Variants in HYCC1 observed in about 807,000 individuals in gnomAD.
HYCC1 encodes hyccin PI4KA lipid kinase complex subunit 1.
At chr7:22,919,081 C>A in the HYCC1 span, among the ~76,000 whole-genome samples, 40,151 of 152,016 alleles carry the variant, frequency 0.26, 5,410 homozygotes, top group East Asian at 0.48. Flanking sequence ...ATAAAAAATT[C>A]TGAGACATGC....
At chr7:23,004,446 C>T in the HYCC1 span, among the ~76,000 whole-genome samples, 2 of 152,194 alleles carry the variant, frequency 1.3e-5, no homozygotes, top group African/African-American at 4.8e-5. Flanking sequence ...AGAGCATCTG[C>T]TTTAATTACC....
chr7:22,984,030 A>C, the HYCC1 span: 3 of 1,593,978 alleles, frequency 1.9e-6, no homozygotes, highest in Non-Finnish European at 2.6e-6. Flanking sequence ...TTTGGTAAAG[A>C]TGTTTCTGGT....
At chr7:22,976,366 AGGGGAGAGAGCACTCCTT>A in the HYCC1 span, 2 of 1,166,282 alleles carry the variant, frequency 1.7e-6, no homozygotes, top group Non-Finnish European at 1.3e-6. Flanking sequence ...CAACTATAAT[AGGGGAGAGAGCACTCCTT>A]GGGGAGAGAT....
chr7:22,913,393 C>T, the HYCC1 span, among the ~76,000 whole-genome samples: 1 of 152,222 alleles, frequency 6.6e-6, no homozygotes, highest in African/African-American at 2.4e-5. Flanking sequence ...GCCAAAATCA[C>T]TGTCATCCGA....
the HYCC1 span, among the ~76,000 whole-genome samples, chr7:22,987,370 A>G: frequency 6.6e-6 from 1 of 152,216 alleles, no homozygotes; most frequent in African/African-American, 2.4e-5. Flanking sequence ...TAACACGGCA[A>G]GACCCCAGCT....
chr7:22,968,146 G>A, the HYCC1 span, among the ~76,000 whole-genome samples: 2 of 152,052 alleles, frequency 1.3e-5, no homozygotes, highest in Non-Finnish European at 2.9e-5. Context: ...AATGCCAGCC[G>A]CTCCACTACA....
the HYCC1 span, among the ~76,000 whole-genome samples, chr7:23,004,101 T>A: frequency 2.6e-4 from 40 of 152,302 alleles, no homozygotes; most frequent in Middle Eastern, 6.8e-3. Flanking sequence ...TAAGATAAAG[T>A]TTTCAATAAT....
the HYCC1 span, among the ~76,000 whole-genome samples, chr7:22,922,870 T>C: frequency 6.6e-6 from 1 of 152,118 alleles, no homozygotes; most frequent in Non-Finnish European, 1.5e-5. Flanking sequence ...GCTATAACAA[T>C]TAGAAATACA....
the HYCC1 span, among the ~76,000 whole-genome samples, chr7:22,922,853 T>C: frequency 6.6e-6 from 1 of 152,126 alleles, no homozygotes; most frequent in Admixed American, 6.6e-5. Flanking sequence ...TGTCAACCCA[T>C]CAGGAAGCTA....
chr7:22,996,478 G>A, the HYCC1 span, among the ~76,000 whole-genome samples: 1 of 151,344 alleles, frequency 6.6e-6, no homozygotes, highest in Admixed American at 6.6e-5. Flanking sequence ...CTGTGTGATG[G>A]TGAGGTTTGG....
chr7:22,987,964 T>C, the HYCC1 span, among the ~76,000 whole-genome samples: 1 of 152,172 alleles, frequency 6.6e-6, no homozygotes, highest in African/African-American at 2.4e-5. Flanking sequence ...AACAAAAATA[T>C]GTAATTTAAC....
chr7:22,926,988 A>AT, the HYCC1 span, among the ~76,000 whole-genome samples: 1 of 152,258 alleles, frequency 6.6e-6, no homozygotes, highest in Admixed American at 6.5e-5. Context: ...ACTGTCTCTC[A>AT]GACCACAGTG....
chr7:22,905,386 A>ATTTTTTTTTTTTTTTTTTTTTTTT, the HYCC1 span, among the ~76,000 whole-genome samples: 5 of 44,470 alleles, frequency 1.1e-4, no homozygotes, highest in African/African-American at 3.6e-4. Context: ...CTAATTTTGT[A>ATTTTTTTTTTTTTTTTTTTTTTTT]TTTTTTTTTT....
the HYCC1 span, among the ~76,000 whole-genome samples, chr7:22,982,537 C>T: frequency 1.3e-5 from 2 of 152,120 alleles, no homozygotes; most frequent in African/African-American, 4.8e-5. Flanking sequence ...TGTTACTTTA[C>T]CACTGAATCT....
the HYCC1 span, among the ~76,000 whole-genome samples, chr7:22,973,951 A>G: frequency 6.6e-6 from 1 of 152,176 alleles, no homozygotes; most frequent in African/African-American, 2.4e-5. Context: ...TAGAACATCT[A>G]TGGAGCTTCA....
the HYCC1 span, among the ~76,000 whole-genome samples, chr7:23,001,353 G>A: frequency 6.6e-6 from 1 of 152,146 alleles, no homozygotes; most frequent in South Asian, 2.1e-4. Context: ...TAGAACCCAT[G>A]CAGCCCAATT....
At chr7:22,976,453 GA>G in the HYCC1 span, 7 of 695,374 alleles carry the variant, frequency 1.0e-5, no homozygotes, top group Admixed American at 5.5e-5. Flanking sequence ...AAACTACAAG[GA>G]AAAAAAGACT....
At chr7:22,911,527 A>C in the HYCC1 span, among the ~76,000 whole-genome samples, 1 of 152,194 alleles carries the variant, frequency 6.6e-6, no homozygotes, top group Non-Finnish European at 1.5e-5. Context: ...TGGGAGCCCG[A>C]GGTGGGCGGA....
At chr7:22,968,653 C>A in the HYCC1 span, among the ~76,000 whole-genome samples, 3 of 152,120 alleles carry the variant, frequency 2.0e-5, no homozygotes, top group Admixed American at 2.0e-4. Flanking sequence ...GTTTTTAATA[C>A]TGAAGCTGGG....
Sources: gnomAD v4.1 joint callset for allele counts (sites outside exome capture counted in the v4.1 genomes callset) on GRCh38, gnomAD v4.1.1 for gene constraint, MANE v1.5 for transcripts, NCBI Gene and HGNC (gene_info 2026-07-23, HGNC 2026-07-21) for gene names.